DENND3: variants seen among roughly 807,000 people sequenced by gnomAD.
The protein encoded by DENND3 is DENN domain-containing protein 3.
Under a neutral mutation model 135.1 loss-of-function variants are expected in DENND3, and 88 were observed. The observed-to-expected ratio is 0.65, with a 90% CI of 0.55 to 0.78. The LOEUF (loss-of-function observed/expected upper bound fraction) is 0.78, where lower values mean the gene tolerates loss of function less well. DENND3 is among the 30% of genes least tolerant of loss of function. The pLI, the probability that DENND3 is intolerant of heterozygous loss-of-function variation, is 0.00. For missense variants in DENND3, 1,392 were observed against 1,688.4 expected (o/e 0.82, Z 3.08); for synonymous variants, 693 against 712.3 (o/e 0.97, Z 0.43).
chr8:141,176,827 G>T (rs1166242993), intron 15 of DENND3, 66 bp downstream of exon 15: 41 of 1,572,820 alleles, frequency 2.6e-5, no homozygotes, highest in Non-Finnish European at 3.5e-5. Flanking sequence ...CCACCTGTGG[G>T]TCCTGTGGCA....
At chr8:141,190,601 T>G in intron 20 of DENND3, 184 bp downstream of exon 20, 1 of 838,782 alleles carries the variant, frequency 1.2e-6, no homozygotes. Flanking sequence ...TCCTGGGGGC[T>G]CCCCAGGCCT....
intron 8 of DENND3, 87 bp downstream of exon 8, chr8:141,156,057 T>A: frequency 6.9e-7 from 1 of 1,453,272 alleles, no homozygotes; most frequent in South Asian, 1.4e-5. Context: ...TCCAATTTTA[T>A]ATAACTGATA....
chr8:141,144,249 C>T lies in DENND3; in HGVS notation c.725C>T (p.Pro242Leu), dbSNP rs778071426. ...TTAATACCCAGCCCGCCACCTGGAC[C>T]GCTCCATTTGGTAAAGTATATCTGA... ...LSLIPSPPPG[P>L]LHLVFNMKSL... The change falls in exon 5 of 23, where the codon CCG becomes CTG. Residue 242 changes from proline (P) to leucine (L), a missense_variant. Pro to Leu is a moderately conservative substitution (Grantham distance 98). Coordinates refer to ENST00000519811, the MANE Select transcript of DENND3 (RefSeq NM_001352890.3). This position sits in a 1 kb window ranked among gnomAD's most constrained non-coding sequence, Gnocchi z 4.4. 7.4e-6 allele frequency: 12 copies of T among 1,610,852 alleles called. No individual in the cohort carries two copies. The highest frequency in any genetic ancestry group is 2.2e-5 in the East Asian group (1 of 44,720).
Position 141,136,575 on chromosome 8 carries a change from G to C in DENND3, c.169G>C (p.Val57Leu), listed in dbSNP as rs770477186. 1 of 1,573,572 alleles carries C rather than the reference G, an allele frequency of 6.4e-7. No homozygotes were observed. Among genetic ancestry groups the C allele is most frequent in the Non-Finnish European group, 8.6e-7 (1 of 1,159,380 alleles). The change falls in exon 2 of 23, where the codon GTG becomes CTG. Residue 57 changes from valine (V) to leucine (L), a missense_variant. Val to Leu is a conservative substitution (Grantham distance 32). Transcript: ENST00000519811. ...TGATCCAGAGGTCCTGTCCATTTTC[G>C]TGCCTCCTTTTATCAGTAAAGAGGA... Reference protein sequence around the residue: ...LLDPEVLSIFVPPFISKEDSQ... With the variant: ...LLDPEVLSIFLPPFISKEDSQ...
At chr8:141,150,281 GC>G in intron 5 of DENND3, 2 of 1,273,946 alleles carry the variant, frequency 1.6e-6, no homozygotes, top group Non-Finnish European at 2.0e-6. Flanking sequence ...GATTTCCTCC[GC>G]CAGGTCCAGC....
rs577167744 is a variant in DENND3, at chr8:141,158,265, C to T, written c.1196+2295C>T. 1.7e-4 allele frequency: 216 copies of T among 1,288,890 alleles called. 5 individuals carry two copies. The Middle Eastern group carries it at 0.011, about 64-fold the overall frequency. The allele number at this position is 1,288,890 out of a possible 1,614,324, so 79.8% of individuals were successfully genotyped here. On this transcript the variant is annotated intron_variant, in intron 8 of 22. Transcript: ENST00000519811. ...AACTTTGAAGGAGACACGTGCTTTCCCAATCATCTCAGTTACTTTCTGGTA... is the reference window on the plus strand; with the variant it reads ...AACTTTGAAGGAGACACGTGCTTTCTCAATCATCTCAGTTACTTTCTGGTA...
chr8:141,144,271 C>G lies in DENND3; in HGVS notation c.735+12C>G. ...GACCGCTCCATTTGGTAAAGTATAT[C>G]TGAAATTATATTGTTTTTTCTTTGC... On this transcript the variant is annotated intron_variant, in intron 5 of 22. Transcript: ENST00000519811. The surrounding 1 kb of genome is among the most constrained non-coding windows in gnomAD (Gnocchi z 4.4). 1 of 1,591,572 alleles carries G rather than the reference C, an allele frequency of 6.3e-7. No homozygotes were observed. Among genetic ancestry groups the G allele is most frequent in the Non-Finnish European group, 8.5e-7 (1 of 1,169,608 alleles).
intron 18 of DENND3, 78 bp from the exon 19 acceptor site, chr8:141,188,908 G>A (rs936033342): frequency 3.3e-6 from 5 of 1,528,610 alleles, no homozygotes; most frequent in Middle Eastern, 1.7e-4. Flanking sequence ...AATTCAGCAC[G>A]TGCAGTAAAT....
At chr8:141,192,482 G>T (rs773185414) in intron 21 of DENND3, 33 bp downstream of exon 21, 1 of 1,613,268 alleles carries the variant, frequency 6.2e-7, no homozygotes, top group East Asian at 2.2e-5. Flanking sequence ...CCCAGCATGT[G>T]CGTGGCCCGG....
Position 141,141,206 on chromosome 8 carries a change from G to A in DENND3, c.505G>A (p.Glu169Lys), listed in dbSNP as rs1817410255. 4 of 1,614,128 alleles carry A rather than the reference G, an allele frequency of 2.5e-6. No homozygotes were observed. Among genetic ancestry groups the A allele is most frequent in the African/African-American group, 2.7e-5 (2 of 74,946 alleles). The change falls in exon 4 of 23, where the codon GAG becomes AAG. Residue 169 changes from glutamate to lysine, a missense_variant. Transcript: ENST00000519811. The surrounding 1 kb of genome is among the most constrained non-coding windows in gnomAD (Gnocchi z 5.3). ...GTCGCTGTTGCTTTTCATGTAGGAT[G>A]AGTACTGTTTCTACAATGGCAAAAC... is the stretch of plus-strand genomic sequence containing the variant. ...VAQYYRPLHD[E>K]YCFYNGKTHR...
At chr8:141,189,791 T>C (rs1824444978) in intron 19 of DENND3, among the ~76,000 whole-genome samples, 1 of 152,084 alleles carries the variant, frequency 6.6e-6, no homozygotes, top group African/African-American at 2.4e-5. Context: ...GCTCAGGAGG[T>C]TCAGGGGTGG....
intron 20 of DENND3, 31 bp from the exon 21 acceptor site, chr8:141,192,300 C>T: frequency 6.2e-7 from 1 of 1,612,064 alleles, no homozygotes. Flanking sequence ...ATGACACTGC[C>T]TGGCCCCATC....
intron 18 of DENND3, among the ~76,000 whole-genome samples, chr8:141,185,826 AACAG>A (rs1302022786): frequency 7.9e-5 from 12 of 151,936 alleles, no homozygotes; most frequent in African/African-American, 1.2e-4. Flanking sequence ...CCCTGTCTCA[AACAG>A]ACAAATAATA....
At position 141,175,968 on chromosome 8, in the gene DENND3, CGAG is replaced by C. The variant is rs1822279505; in HGVS notation, c.2535+512_2535+514del. On this transcript the variant is annotated intron_variant, in intron 14 of 22. Coordinates refer to ENST00000519811, the MANE Select transcript of DENND3 (RefSeq NM_001352890.3). The surrounding 1 kb of genome is among the most constrained non-coding windows in gnomAD (Gnocchi z 5.4). ...TTCTAAAGGTAGTCATTTTCCCTGT[CGAG>C]GAAATCTGAATTTCATCCTGATTCC... is the stretch of plus-strand genomic sequence containing the variant. 5.4e-6 allele frequency: 1 copy of C among 184,744 alleles called. No homozygotes were observed. The highest frequency in any genetic ancestry group is 9.8e-5 in the South Asian group (1 of 10,238). 11.4% of individuals were successfully genotyped at this position (184,744 alleles called of 1,614,324 possible).
At chr8:141,183,415 TTG>T (rs1823434357) in intron 17 of DENND3, among the ~76,000 whole-genome samples, 1 of 143,314 alleles carries the variant, frequency 7.0e-6, no homozygotes, top group African/African-American at 3.0e-5. Flanking sequence ...CAGCCAATTT[TTG>T]TATTTTTTTT....
chr8:141,195,707 CT>C lies in DENND3; in HGVS notation c.*1475del, dbSNP rs1825243318. On this transcript the variant is annotated 3_prime_UTR_variant, in exon 23 of 23. Coordinates refer to ENST00000519811, the MANE Select transcript of DENND3 (RefSeq NM_001352890.3). ...ACACATGAATCCTTATGATAAAAGT[CT>C]GTCAGTCAAAAATACATTTATAAAT... 6.6e-6 allele frequency: 1 copy of C among 152,222 alleles called. No homozygotes were observed. Among genetic ancestry groups the C allele is most frequent in the Non-Finnish European group, 1.5e-5 (1 of 68,046 alleles). The allele number at this position is 152,222 out of a possible 1,614,324, so 9.4% of individuals were successfully genotyped here. A position where few individuals can be genotyped will look rare whatever the true frequency, so the allele number is the denominator to read the frequency against.
In DENND3 at chr8:141,168,055, A is replaced by G. The variant is rs1419032763; in HGVS notation, c.1805A>G (p.His602Arg). 2 of 1,613,978 alleles carry G rather than the reference A, an allele frequency of 1.2e-6. No individual in the cohort carries two copies. Among genetic ancestry groups the G allele is most frequent in the African/African-American group, 2.7e-5 (2 of 75,044 alleles). The change falls in exon 13 of 23, where the codon CAC becomes CGC. Residue 602 changes from histidine to arginine, a missense_variant. Physicochemically the swap from His to Arg is conservative, Grantham distance 29 (BLOSUM62 0). Coordinates refer to ENST00000519811, the MANE Select transcript of DENND3 (RefSeq NM_001352890.3). The surrounding 1 kb of genome is among the most constrained non-coding windows in gnomAD (Gnocchi z 6.2). ...TATACATTCAAGATTCCCGAAATCC[A>G]CTTTCCGCTGGAGAGCAAGTGCGTG... is the stretch of plus-strand genomic sequence containing the variant. ...SPYTFKIPEI[H>R]FPLESKCVQA... is the part of the protein sequence containing the mutation.
chr8:141,192,785 T>C (rs7014062), intron 22 of DENND3, 122 bp downstream of exon 22: 1,018,819 of 1,592,794 alleles, frequency 0.64, 328,944 homozygotes, highest in African/African-American at 0.83. Flanking sequence ...CCTCTCAGGG[T>C]TCCCCTCCTA....
chr8:141,166,747 T>C lies in DENND3; in HGVS notation c.1753+358T>C, dbSNP rs959526653. 2.0e-5 allele frequency among the ~76,000 whole-genome samples: 3 copies of C among 152,150 alleles called. No homozygotes were observed. The highest frequency in any genetic ancestry group is 7.2e-5 in the African/African-American group (3 of 41,430). On this transcript the variant is annotated intron_variant, in intron 12 of 22. Transcript: ENST00000519811. The surrounding 1 kb of genome is among the most constrained non-coding windows in gnomAD (Gnocchi z 4.3). ...GAGGCAGGGAGCGCACCAGGCACTTTCTAGAGCCGGAGCTGTGAAGGAGCC... is the reference window on the plus strand; with the variant it reads ...GAGGCAGGGAGCGCACCAGGCACTTCCTAGAGCCGGAGCTGTGAAGGAGCC...
Sources: gnomAD v4.1 joint callset for allele counts (sites outside exome capture counted in the v4.1 genomes callset) on GRCh38, gnomAD v4.1.1 for gene constraint, Gnocchi (gnomAD v3.1) non-coding constraint, MANE v1.5 for transcripts, NCBI Gene and HGNC (gene_info 2026-07-23, HGNC 2026-07-21) for gene names.